The following INTS7 variants were observed in gnomAD, a reference collection of about 807,000 sequenced individuals.
The protein encoded by INTS7 is integrator complex subunit 7.
INTS7 carries 46 observed loss-of-function variants against 109.2 expected under a neutral mutation model. The ratio of observed to expected loss-of-function variants is 0.42; its 90% CI spans 0.33 to 0.54. The LOEUF is 0.54. Ranked by LOEUF, INTS7 falls within the 20% of genes least tolerant of loss-of-function variation. INTS7 has a pLI of 0.07. For synonymous variants in INTS7, 412 were observed against 402.9 expected (o/e 1.02, Z -0.27); for missense variants, 929 against 1,132.4 (o/e 0.82, Z 2.58).
At chr1:212,017,119 G>GT in intron 3 of INTS7, 96 bp from the exon 4 acceptor site, 1 of 915,370 alleles carries the variant, frequency 1.1e-6, no homozygotes, top group South Asian at 2.1e-5. Context: ...CAAAACTAAA[G>GT]TTTATAGGTA....
intron 13 of INTS7, among the ~76,000 whole-genome samples, chr1:211,971,915 C>CAAAAAAAAAA (rs745814699): frequency 1.5e-3 from 121 of 79,528 alleles, no homozygotes; most frequent in East Asian, 2.2e-3. Flanking sequence ...AACTCAGTCT[C>CAAAAAAAAAA]AAAAAAAAAA....
chr1:212,002,575 G>T (rs180732196), intron 7 of INTS7, among the ~76,000 whole-genome samples: 82 of 152,156 alleles, frequency 5.4e-4, no homozygotes, highest in Admixed American at 2.0e-3. Context: ...CTCACTTCAG[G>T]GCCTTTTGGC....
In INTS7 at chr1:212,008,770, CTT is replaced by C. The variant is rs1666043843; in HGVS notation, c.557-1323_557-1322del. Among the ~76,000 whole-genome samples the C allele has an allele frequency of 2.0e-5, 3 of 152,122 alleles. 1 individual carries two copies. The South Asian group carries it at 6.2e-4, about 32-fold the overall frequency. ...ATTATAGCTTCTTAGACCCTGGAGT[CTT>C]TCTTATTAGTGAAAGGATTCTATCA... is the stretch of plus-strand genomic sequence containing the variant. On this transcript the variant is annotated intron_variant, in intron 5 of 19. Transcript: ENST00000366994.
At chr1:211,972,934 C>G (rs1419511421) in intron 13 of INTS7, among the ~76,000 whole-genome samples, 1 of 152,166 alleles carries the variant, frequency 6.6e-6, no homozygotes, top group African/African-American at 2.4e-5. Flanking sequence ...GAGCAGAGGA[C>G]CCAGCTAAGC....
At chr1:211,982,403 T>C (rs1444846046) in intron 9 of INTS7, among the ~76,000 whole-genome samples, 1 of 152,168 alleles carries the variant, frequency 6.6e-6, no homozygotes, top group African/African-American at 2.4e-5. Context: ...ATCCACCATA[T>C]ATGCACCATA....
At chr1:212,014,276 C>A (rs1030705033) in intron 4 of INTS7, among the ~76,000 whole-genome samples, 41 of 151,876 alleles carry the variant, frequency 2.7e-4, no homozygotes, top group African/African-American at 9.7e-4. Context: ...ACGAGCCTGG[C>A]CAACGTGCTG....
At position 211,983,448 on chromosome 1, in the gene INTS7, T is replaced by C. The variant is rs756212237; in HGVS notation, c.998-638A>G. 2.6e-5 allele frequency among the ~76,000 whole-genome samples: 4 copies of C among 152,328 alleles called. No individual in the cohort carries two copies. In the South Asian group the frequency reaches 6.2e-4, roughly 24 times the overall value. On this transcript the variant is annotated intron_variant, in intron 8 of 19. Coordinates refer to ENST00000366994, the MANE Select transcript of INTS7 (RefSeq NM_015434.4). The stretch of plus-strand genomic sequence containing the variant: ...GCTTTATACCTTAAATTCCATGCTA[T>C]AGATTGCAGCAATTTTTAAAATTCA...
intron 16 of INTS7, among the ~76,000 whole-genome samples, chr1:211,957,337 G>C (rs754233911): frequency 5.9e-5 from 9 of 152,116 alleles, no homozygotes; most frequent in Non-Finnish European, 1.0e-4. Context: ...CCTGAGGTCG[G>C]GAGTTTGAGA....
chr1:211,978,168 T>C (rs549147184), intron 11 of INTS7, 104 bp downstream of exon 11: 83 of 1,315,008 alleles, frequency 6.3e-5, no homozygotes, highest in Non-Finnish European at 8.6e-5. Context: ...ACCTATTGTT[T>C]GTTCTGTTTT....
chr1:212,032,730 C>G lies in INTS7; in HGVS notation c.94+2614G>C, dbSNP rs373738623. On this transcript the variant is annotated intron_variant, in intron 1 of 19. Transcript: ENST00000366994. ...TCCTGACTTCGTGATCCGCCCGCCT[C>G]AGCTTCCCAAAGTGCGGGGATTACA... Among the ~76,000 whole-genome samples the G allele has an allele frequency of 7.2e-5, 11 of 152,304 alleles. No individual in the cohort carries two copies. The East Asian group carries it at 9.6e-4, about 13-fold the overall frequency.
At position 212,025,123 on chromosome 1, in the gene INTS7, C is replaced by A. The variant is rs1187455708; in HGVS notation, c.95-3911G>T. On this transcript the variant is annotated intron_variant, in intron 1 of 19. Transcript: ENST00000366994. ...CATTGTGAAAAAGGCAGGGAAAATT[C>A]TTTCTGTATGGTAATAAACTGCGTG... Among the ~76,000 whole-genome samples the A allele has an allele frequency of 2.0e-5, 3 of 152,206 alleles. 1 individual carries two copies. The highest frequency in any genetic ancestry group is 1.5e-5 in the Non-Finnish European group (1 of 68,024).
Position 211,978,257 on chromosome 1 carries a change from A to G in INTS7, c.1470+15T>C. On this transcript the variant is annotated intron_variant, in intron 11 of 19. Coordinates refer to ENST00000366994, the MANE Select transcript of INTS7 (RefSeq NM_015434.4). ...ATCCTAGTCATTCAAAGGAGATTCA[A>G]AATGGGCTTTTTACCAGAAGTTCTT... 6.2e-7 allele frequency: 1 copy of G among 1,613,806 alleles called. No individual in the cohort carries two copies. The highest frequency in any genetic ancestry group is 2.2e-5 in the East Asian group (1 of 44,882).
intron 19 of INTS7, among the ~76,000 whole-genome samples, chr1:211,944,200 T>C (rs935637548): frequency 5.9e-5 from 9 of 152,004 alleles, no homozygotes; most frequent in African/African-American, 2.2e-4. Context: ...TGGGGAGGGA[T>C]TGGGTGGGTT....
At chr1:211,991,631 T>A (rs1181367018) in intron 7 of INTS7, among the ~76,000 whole-genome samples, 1 of 152,200 alleles carries the variant, frequency 6.6e-6, no homozygotes, top group Non-Finnish European at 1.5e-5. Flanking sequence ...GTCTGTAAGA[T>A]TACAAAGCCA....
At chr1:212,015,710 T>TAAAAAACAAAAAAAA (rs1666402087) in intron 4 of INTS7, among the ~76,000 whole-genome samples, 1 of 34,950 alleles carries the variant, frequency 2.9e-5, no homozygotes, top group Non-Finnish European at 4.9e-5. Flanking sequence ...CAATAAATAC[T>TAAAAAACAAAAAAAA]AAAAAAAAAA....
chr1:212,005,720 C>T (rs1665875775), intron 7 of INTS7, among the ~76,000 whole-genome samples: 1 of 152,136 alleles, frequency 6.6e-6, no homozygotes, highest in African/African-American at 2.4e-5. Flanking sequence ...GACTAGGGAT[C>T]AGAGGACAGA....
chr1:212,020,934 C>T, intron 2 of INTS7, 149 bp downstream of exon 2: 1 of 700,694 alleles, frequency 1.4e-6, no homozygotes, highest in Non-Finnish European at 2.2e-6. Context: ...CATTAAATCT[C>T]ACACTGATGT....
At chr1:212,010,874 A>G (rs1666137775) in intron 5 of INTS7, among the ~76,000 whole-genome samples, 1 of 152,110 alleles carries the variant, frequency 6.6e-6, no homozygotes, top group African/African-American at 2.4e-5. Flanking sequence ...CTGCCTAAGG[A>G]CCCATTTCTC....
At chr1:211,958,201 C>T (rs1274458401) in intron 16 of INTS7, among the ~76,000 whole-genome samples, 2 of 152,022 alleles carry the variant, frequency 1.3e-5, no homozygotes, top group Admixed American at 6.6e-5. Context: ...TACAGATCTG[C>T]TGATGGCAAA....
Sources: gnomAD v4.1 joint callset for allele counts (sites outside exome capture counted in the v4.1 genomes callset) on GRCh38, gnomAD v4.1.1 for gene constraint, MANE v1.5 for transcripts, NCBI Gene and HGNC (gene_info 2026-07-23, HGNC 2026-07-21) for gene names.